The following GALNT13 variants were observed in gnomAD, a reference collection of about 807,000 sequenced individuals.
GALNT13 encodes polypeptide N-acetylgalactosaminyltransferase 13, also known as UDP-GalNAc:polypeptide N-acetylgalactosaminyltransferase 13.
Under a neutral mutation model 64.2 loss-of-function variants are expected in GALNT13, and 28 were observed. The ratio of observed to expected loss-of-function variants is 0.44; its 90% CI spans 0.32 to 0.60. GALNT13 has a LOEUF of 0.60. Among genes scored for constraint, GALNT13 ranks in the 20% least tolerant of loss-of-function variants. The pLI is 0.05. For synonymous variants in GALNT13, 214 were observed against 224.6 expected (o/e 0.95, Z 0.42); for missense variants, 577 against 669.8 (o/e 0.86, Z 1.53).
chr2:153,864,671 A>G, the GALNT13 span, among the ~76,000 whole-genome samples: 1 of 152,018 alleles, frequency 6.6e-6, no homozygotes, highest in Non-Finnish European at 1.5e-5. Flanking sequence ...GATACAAACA[A>G]ATGGAAGAAC....
the GALNT13 span, among the ~76,000 whole-genome samples, chr2:153,850,624 C>T: frequency 2.2e-3 from 335 of 152,218 alleles, 1 homozygote; most frequent in African/African-American, 7.9e-3. Flanking sequence ...GGTTAGTAAA[C>T]ATGGACATTA....
At chr2:153,182,055 T>G in the GALNT13 span, among the ~76,000 whole-genome samples, 1 of 151,352 alleles carries the variant, frequency 6.6e-6, no homozygotes, top group Non-Finnish European at 1.5e-5. Context: ...CTTTTTTTTT[T>G]CTTTTTGAGG....
the GALNT13 span, among the ~76,000 whole-genome samples, chr2:153,561,537 G>A: frequency 2.6e-5 from 4 of 152,044 alleles, no homozygotes; most frequent in Non-Finnish European, 5.9e-5. Context: ...ATGAGGTCAG[G>A]TGTGGAATTT....
chr2:153,463,309 A>G, the GALNT13 span, among the ~76,000 whole-genome samples: 1 of 152,198 alleles, frequency 6.6e-6, no homozygotes, highest in East Asian at 1.9e-4. Flanking sequence ...GGCCATATTC[A>G]GTGTTTTTCT....
chr2:153,268,397 C>T, the GALNT13 span, among the ~76,000 whole-genome samples: 3 of 152,216 alleles, frequency 2.0e-5, no homozygotes, highest in Non-Finnish European at 4.4e-5. Context: ...ACTGATGCAA[C>T]AGGTGAGCTC....
At chr2:153,359,454 T>A in the GALNT13 span, among the ~76,000 whole-genome samples, 1 of 151,502 alleles carries the variant, frequency 6.6e-6, no homozygotes, top group East Asian at 1.9e-4. Context: ...AACACAAAAT[T>A]GAGTAAAACA....
the GALNT13 span, among the ~76,000 whole-genome samples, chr2:153,318,295 G>A: frequency 6.6e-6 from 1 of 152,144 alleles, no homozygotes; most frequent in Non-Finnish European, 1.5e-5. Context: ...ACAAGGAGTG[G>A]TGGTGGACAT....
At chr2:153,977,799 T>G (rs1054801387) in intron 3 of GALNT13, among the ~76,000 whole-genome samples, 2 of 152,192 alleles carry the variant, frequency 1.3e-5, no homozygotes, top group Non-Finnish European at 2.9e-5. Flanking sequence ...AATTTTAAAA[T>G]TAAGGTCCAA....
the GALNT13 span, among the ~76,000 whole-genome samples, chr2:153,674,738 G>T: frequency 6.6e-6 from 1 of 152,046 alleles, no homozygotes; most frequent in Admixed American, 6.6e-5. Context: ...CACAACAAAA[G>T]AAACTATCAT....
chr2:154,213,132 T>C (rs1687867310), intron 4 of GALNT13, among the ~76,000 whole-genome samples: 1 of 152,194 alleles, frequency 6.6e-6, no homozygotes, highest in Non-Finnish European at 1.5e-5. Context: ...GAGAAGGTTC[T>C]GGCTCTGTCA....
intron 2 of GALNT13, among the ~76,000 whole-genome samples, chr2:153,935,080 A>C (rs1213996143): frequency 3.9e-5 from 6 of 152,180 alleles, no homozygotes; most frequent in Non-Finnish European, 7.3e-5. Flanking sequence ...AGAACTTCTA[A>C]CAACAGGATT....
At chr2:154,359,658 C>T (rs1339745062) in intron 9 of GALNT13, among the ~76,000 whole-genome samples, 1 of 152,050 alleles carries the variant, frequency 6.6e-6, no homozygotes, top group Non-Finnish European at 1.5e-5. Flanking sequence ...TCCAAAATGG[C>T]CTTGTACATG....
chr2:154,224,719 T>C (rs940179206), intron 4 of GALNT13, among the ~76,000 whole-genome samples: 1 of 152,116 alleles, frequency 6.6e-6, no homozygotes, highest in African/African-American at 2.4e-5. Context: ...TGATAAAAGA[T>C]ATAATTTGAC....
At chr2:154,130,084 A>G (rs1429031282) in intron 3 of GALNT13, among the ~76,000 whole-genome samples, 3 of 152,118 alleles carry the variant, frequency 2.0e-5, no homozygotes, top group Non-Finnish European at 4.4e-5. Flanking sequence ...AGTTGCTAGC[A>G]TATCGGTGAA....
chr2:153,394,552 G>C, the GALNT13 span, among the ~76,000 whole-genome samples: 2 of 152,096 alleles, frequency 1.3e-5, no homozygotes, highest in South Asian at 2.1e-4. Context: ...ACAGTTGAAG[G>C]CTCTACAGTT....
At chr2:154,145,959 G>A (rs1435721015) in intron 4 of GALNT13, among the ~76,000 whole-genome samples, 4 of 151,804 alleles carry the variant, frequency 2.6e-5, no homozygotes, top group Non-Finnish European at 5.9e-5. Flanking sequence ...TTTAATTTGA[G>A]AATTATTGCA....
chr2:154,386,661 A>G (rs753570250), intron 9 of GALNT13, among the ~76,000 whole-genome samples: 12 of 152,108 alleles, frequency 7.9e-5, no homozygotes, highest in Non-Finnish European at 1.5e-4. Context: ...ATACAGCTAT[A>G]TATTAGACTG....
chr2:153,176,456 G>A, the GALNT13 span, among the ~76,000 whole-genome samples: 3 of 152,182 alleles, frequency 2.0e-5, no homozygotes, highest in South Asian at 4.1e-4. Context: ...GAATAAAAAG[G>A]TAGAAAAATG....
the GALNT13 span, among the ~76,000 whole-genome samples, chr2:153,431,198 T>C: frequency 6.6e-6 from 1 of 152,132 alleles, no homozygotes; most frequent in Admixed American, 6.5e-5. Context: ...TACTGTATTT[T>C]ACTAGGACAA....
Sources: gnomAD v4.1 joint callset for allele counts (sites outside exome capture counted in the v4.1 genomes callset) on GRCh38, gnomAD v4.1.1 for gene constraint, MANE v1.5 for transcripts, NCBI Gene and HGNC (gene_info 2026-07-23, HGNC 2026-07-21) for gene names.